GRIP1: variants seen among roughly 807,000 people sequenced by gnomAD.
GRIP1 encodes the protein glutamate receptor-interacting protein 1.
GRIP1 carries 45 observed loss-of-function variants against 129.9 expected under a neutral mutation model. The observed-to-expected ratio is 0.35, with a 90% confidence interval of 0.27 to 0.44. The LOEUF (loss-of-function observed/expected upper bound fraction) is 0.44. GRIP1 is among the 20% of genes least tolerant of loss of function. The pLI is 1.00. For synonymous variants in GRIP1, 530 were observed against 520.8 expected, an observed-to-expected ratio of 1.02 and a Z score of -0.24; for missense variants, 1,196 against 1,396.8, an observed-to-expected ratio of 0.86 and a Z score of 2.29.
At chr12:66,595,418 T>C (rs1469636437) in intron 2 of GRIP1, among the ~76,000 whole-genome samples, 2 of 152,152 alleles carry the variant, frequency 1.3e-5, no homozygotes, top group Non-Finnish European at 2.9e-5. Context: ...GATAATAGCA[T>C]ATTTGCTTAG....
intron 1 of GRIP1, among the ~76,000 whole-genome samples, chr12:66,712,073 G>T (rs2035730371): frequency 6.6e-6 from 1 of 151,846 alleles, no homozygotes; most frequent in Admixed American, 6.6e-5. Flanking sequence ...AGAAACATGG[G>T]TGCTATCAAA....
chr12:66,637,100 C>A (rs7955723), intron 1 of GRIP1, among the ~76,000 whole-genome samples: 4 of 151,918 alleles, frequency 2.6e-5, no homozygotes, highest in Non-Finnish European at 5.9e-5. Flanking sequence ...GGGAACCTAG[C>A]GTGTGTGTAA....
At chr12:66,750,691 A>G (rs1236679600) in intron 1 of GRIP1, among the ~76,000 whole-genome samples, 1 of 152,192 alleles carries the variant, frequency 6.6e-6, no homozygotes, top group Admixed American at 6.5e-5. Flanking sequence ...TTAGAATAAC[A>G]ACTTTGAATA....
chr12:66,379,542 TAAC>T, intron 19 of GRIP1, 106 bp from the exon 20 acceptor site: 2 of 1,085,190 alleles, frequency 1.8e-6, no homozygotes, highest in Non-Finnish European at 1.4e-6. Context: ...GCAATGACAA[TAAC>T]AATAGTGAAC....
At chr12:66,408,398 G>C (rs894495328) in intron 15 of GRIP1, among the ~76,000 whole-genome samples, 1 of 152,190 alleles carries the variant, frequency 6.6e-6, no homozygotes, top group Non-Finnish European at 1.5e-5. Context: ...AGAATCACTT[G>C]AACCTGGGAG....
intron 1 of GRIP1, among the ~76,000 whole-genome samples, chr12:66,818,689 G>A (rs1327910902): frequency 6.6e-6 from 1 of 152,166 alleles, no homozygotes; most frequent in East Asian, 1.9e-4. Context: ...ATTCATAGGT[G>A]AAATCTGCTT....
chr12:66,585,028 C>G (rs2063563440), intron 2 of GRIP1, among the ~76,000 whole-genome samples: 1 of 152,050 alleles, frequency 6.6e-6, no homozygotes, highest in South Asian at 2.1e-4. Context: ...GCACCCCTGC[C>G]TCTTTTGTTT....
chr12:67,006,801 G>A (rs17780730), intron 1 of GRIP1, among the ~76,000 whole-genome samples: 42,766 of 152,044 alleles, frequency 0.28, 7,112 homozygotes, highest in Non-Finnish European at 0.36. Flanking sequence ...TTGCTTTTCC[G>A]TTTACCCATG....
chr12:66,411,245 C>G (rs2057391176), intron 15 of GRIP1, among the ~76,000 whole-genome samples: 1 of 152,104 alleles, frequency 6.6e-6, no homozygotes, highest in South Asian at 2.1e-4. Context: ...GGCATCAGGT[C>G]AGTGCCCCTC....
At chr12:66,388,948 C>T (rs2056471230) in intron 19 of GRIP1, among the ~76,000 whole-genome samples, 1 of 152,130 alleles carries the variant, frequency 6.6e-6, no homozygotes. Flanking sequence ...ATGAATGGAG[C>T]AAGCTTGATA....
chr12:66,434,757 G>A (rs2058251025), intron 13 of GRIP1, among the ~76,000 whole-genome samples: 1 of 152,200 alleles, frequency 6.6e-6, no homozygotes, highest in Non-Finnish European at 1.5e-5. Context: ...TAAGAATTTG[G>A]AATTAGCATG....
rs781637305 is a variant in GRIP1 at position 66,574,824 on chromosome 12, C to T, written c.136+22023G>A. Among the ~76,000 whole-genome samples the T allele has an allele frequency of 3.9e-5, 5 of 127,466 alleles. 1 individual carries two copies. The highest frequency in any genetic ancestry group is 4.7e-4 in the East Asian group (2 of 4,242). The allele number at this position is 127,466 out of a possible 152,430, so 83.6% of individuals were successfully genotyped here. The stretch of plus-strand genomic sequence containing the variant: ...TTTAGACGGAGTCTCGCTCTGTCGC[C>T]GCCCTGGCTGGAGTGCAGTGGTGTG... On this transcript the variant is annotated intron_variant, in intron 2 of 24. Transcript: ENST00000359742.
intron 1 of GRIP1, among the ~76,000 whole-genome samples, chr12:66,951,738 A>G (rs1011263066): frequency 6.6e-6 from 1 of 152,212 alleles, no homozygotes; most frequent in Non-Finnish European, 1.5e-5. Flanking sequence ...GGAGAGGTAC[A>G]TAAGTGGAGA....
chr12:66,757,205 T>C (rs1314619893), intron 1 of GRIP1, among the ~76,000 whole-genome samples: 1 of 152,196 alleles, frequency 6.6e-6, no homozygotes, highest in African/African-American at 2.4e-5. Context: ...TTTAACTATA[T>C]TTTTGTGCCC....
rs1292756654 is a variant in GRIP1 at position 66,593,225 on chromosome 12, G to A, written c.136+3622C>T. Among the ~76,000 whole-genome samples, 4 of 152,136 alleles carry A rather than the reference G, an allele frequency of 2.6e-5. No homozygotes were observed. The East Asian group carries it at 7.7e-4, about 29-fold the overall frequency. ...CCTTTATCGAAAGCAAACGCATTTT[G>A]CTCCTAAGAGTGTTTAATCCATTTC... On this transcript the variant is annotated intron_variant, in intron 2 of 24. Coordinates refer to ENST00000359742, the MANE Select transcript of GRIP1 (RefSeq NM_001366722.1).
At chr12:67,028,233 C>T (rs1866422080) in intron 1 of GRIP1, among the ~76,000 whole-genome samples, 1 of 152,224 alleles carries the variant, frequency 6.6e-6, no homozygotes, top group African/African-American at 2.4e-5. Flanking sequence ...GATTTCCCCT[C>T]CTGTTATATC....
intron 1 of GRIP1, among the ~76,000 whole-genome samples, chr12:66,660,530 T>C (rs2033433377): frequency 2.6e-5 from 4 of 152,178 alleles, no homozygotes; most frequent in Non-Finnish European, 5.9e-5. Context: ...AAGATTTGTA[T>C]TGTATAATTA....
At chr12:67,008,947 A>G (rs1351347154) in intron 1 of GRIP1, among the ~76,000 whole-genome samples, 1 of 152,128 alleles carries the variant, frequency 6.6e-6, no homozygotes, top group Non-Finnish European at 1.5e-5. Context: ...TTTCACCTTG[A>G]CACAAAAGTA....
At chr12:67,027,723 T>A (rs1566829) in intron 1 of GRIP1, among the ~76,000 whole-genome samples, 35,177 of 151,974 alleles carry the variant, frequency 0.23, 4,609 homozygotes, top group Non-Finnish European at 0.28. Flanking sequence ...GTCAAGGCAA[T>A]AGAACTAGTT....
Sources: allele counts gnomAD v4.1 joint callset (sites outside exome capture counted in the v4.1 genomes callset), GRCh38; gene constraint gnomAD v4.1.1; transcripts MANE v1.5; gene names NCBI Gene and HGNC (gene_info 2026-07-23, HGNC 2026-07-21).